Variants in BOD1L1 observed in about 807,000 individuals in gnomAD.
BOD1L1 encodes the protein biorientation of chromosomes in cell division 1 like 1, also known as biorientation of chromosomes in cell division protein 1-like 1.
BOD1L1 carries 86 observed loss-of-function variants against 240.7 expected under a neutral mutation model. The ratio of observed to expected loss-of-function variants is 0.36; its 90% CI spans 0.30 to 0.43. The LOEUF is 0.43. Among genes scored for constraint, BOD1L1 ranks in the 20% least tolerant of loss-of-function variants. The probability of loss-of-function intolerance (pLI) is 1.00; values close to 1 mark genes in which losing one functional copy is unlikely to be tolerated. For missense variants in BOD1L1, 3,554 were observed against 3,643.5 expected, an observed-to-expected ratio of 0.98 and a Z score of 0.63; for synonymous variants, 1,268 against 1,272.3, an observed-to-expected ratio of 1.00 and a Z score of 0.07.
chr4:13,594,721 C>A (rs1019117118), intron 12 of BOD1L1, among the ~76,000 whole-genome samples: 1 of 151,976 alleles, frequency 6.6e-6, no homozygotes, highest in Admixed American at 6.6e-5. Context: ...ATGGTGAAAC[C>A]CCATCTCTAC....
chr4:13,589,343 C>T (rs1713993861), intron 14 of BOD1L1, among the ~76,000 whole-genome samples: 1 of 152,170 alleles, frequency 6.6e-6, no homozygotes, highest in Admixed American at 6.5e-5. Flanking sequence ...GGTATGAGAA[C>T]ATACACAGTA....
intron 15 of BOD1L1, among the ~76,000 whole-genome samples, chr4:13,588,419 CACA>C (rs1359600855): frequency 6.6e-6 from 1 of 152,114 alleles, no homozygotes; most frequent in Non-Finnish European, 1.5e-5. Context: ...GATGGCACAT[CACA>C]ATTAGTATTT....
In BOD1L1 at chr4:13,614,656, T is replaced by C. The variant is rs749545690; in HGVS notation, c.714A>G (p.Pro238=). ...KTSERASKKL[P]SQPTTDTSTD... ...TACTAGTATCAGTGGTTGGCTGAGA[T>C]GGAAGTTTTTTTGACGCTCTCTCAC... The change falls in exon 4 of 26, where the codon CCA becomes CCG. Residue 238 remains proline, a synonymous_variant. Transcript: ENST00000040738. 5.6e-6 allele frequency: 9 copies of C among 1,613,902 alleles called. No homozygotes were observed. Among genetic ancestry groups the C allele is most frequent in the East Asian group, 2.2e-5 (1 of 44,874 alleles).
Position 13,620,066 on chromosome 4 carries a change from G to C in BOD1L1, c.245C>G (p.Pro82Arg). 1.3e-6 allele frequency: 2 copies of C among 1,599,690 alleles called. No individual in the cohort carries two copies. Among genetic ancestry groups the C allele is most frequent in the Non-Finnish European group, 1.7e-6 (2 of 1,172,240 alleles). Residue 82 changes from proline (P) to arginine (R), a missense_variant and splice_region_variant, in exon 2 of 26, where the codon CCT becomes CGT. Coordinates refer to ENST00000040738, the MANE Select transcript of BOD1L1 (RefSeq NM_148894.3). The part of the protein sequence containing the change: ...RDCLADVDTK[P>R]AYQNLRQRVD... ...ACGCTGTCTCAGATTCTGATACGCA[G>C]GCTAGAGAGAAAAAAACGAAGGTAA...
At chr4:13,615,069 A>C (rs1295616102) in intron 3 of BOD1L1, among the ~76,000 whole-genome samples, 1 of 152,166 alleles carries the variant, frequency 6.6e-6, no homozygotes, top group East Asian at 1.9e-4. Context: ...ATATTCTCTA[A>C]TTATTTTAGT....
rs776801323 is a variant in BOD1L1, at chr4:13,599,282, G to A, written c.7618C>T (p.Pro2540Ser). ...NTGAIKADDMPPVQGTVAEHS... is the reference protein window; with the variant it reads ...NTGAIKADDMSPVQGTVAEHS... ...TCAGCCACGGTCCCTTGAACAGGTGGCATGTCATCAGCTTTTATAGCACCG... is the reference window on the plus strand; with the variant it reads ...TCAGCCACGGTCCCTTGAACAGGTGACATGTCATCAGCTTTTATAGCACCG... Residue 2540 changes from proline to serine, a missense_variant, in exon 10 of 26, where the codon CCA becomes TCA. Pro to Ser is a moderately conservative substitution (Grantham distance 74). Around this residue, in one of 2 missense-constraint regions of BOD1L1, gnomAD observed 3,393 missense variants for 3,427.1 expected, o/e 0.99. Transcript: ENST00000040738. 6.8e-6 allele frequency: 11 copies of A among 1,613,726 alleles called. No individual in the cohort carries two copies. The highest frequency in any genetic ancestry group is 9.3e-6 in the Non-Finnish European group (11 of 1,179,744).
At chr4:13,619,675 G>A (rs1225592459) in intron 2 of BOD1L1, among the ~76,000 whole-genome samples, 3 of 152,070 alleles carry the variant, frequency 2.0e-5, no homozygotes, top group Non-Finnish European at 2.9e-5. Context: ...ATTATATCTA[G>A]ATTTTTTAGA....
Position 13,569,006 on chromosome 4 carries a change from G to A in BOD1L1, c.*1005C>T, listed in dbSNP as rs1380253728. 6.6e-6 allele frequency: 1 copy of A among 152,198 alleles called. No individual in the cohort carries two copies. Among genetic ancestry groups the A allele is most frequent in the African/African-American group, 2.4e-5 (1 of 41,466 alleles). The allele number at this position is 152,198 out of a possible 1,614,324, so 9.4% of individuals were successfully genotyped here. A position where few individuals can be genotyped will look rare whatever the true frequency, so the allele number is the denominator to read the frequency against. On this transcript the variant is annotated 3_prime_UTR_variant, in exon 26 of 26. Coordinates refer to ENST00000040738, the MANE Select transcript of BOD1L1 (RefSeq NM_148894.3). ...CTGAAGTTGGACAGTTTGCTCATAT[G>A]AGAGTTAAAACATGTTTAAAAAAAC...
At chr4:13,588,875 G>C (rs1376309571) in intron 14 of BOD1L1, 83 bp from the exon 15 acceptor site, 5 of 962,604 alleles carry the variant, frequency 5.2e-6, no homozygotes, top group Non-Finnish European at 6.1e-6. Context: ...TTAGGGGGCT[G>C]GGAGAAAACT....
At chr4:13,589,062 G>A (rs1374440763) in intron 14 of BOD1L1, among the ~76,000 whole-genome samples, 1 of 152,180 alleles carries the variant, frequency 6.6e-6, no homozygotes, top group Non-Finnish European at 1.5e-5. Context: ...TAACAACACT[G>A]GACTTTACAC....
chr4:13,600,586 A>G lies in BOD1L1; in HGVS notation c.6314T>C (p.Met2105Thr). Residue 2105 changes from methionine to threonine, a missense_variant, in exon 10 of 26, where the codon ATG becomes ACG. Met to Thr is a moderately conservative substitution (Grantham distance 81, BLOSUM62 -1). Transcript: ENST00000040738. ...LSDALRTEEN[M>T]EGTRVTTEEF... The stretch of plus-strand genomic sequence containing the variant: ...TTCTGTGGTTACTCTGGTACCTTCC[A>G]TATTTTCTTCAGTTCTCAGAGCATC... 6.2e-7 allele frequency: 1 copy of G among 1,613,756 alleles called. No individual in the cohort carries two copies. Among genetic ancestry groups the G allele is most frequent in the Non-Finnish European group, 8.5e-7 (1 of 1,179,786 alleles).
At chr4:13,584,012 T>C (rs1713441020) in intron 17 of BOD1L1, among the ~76,000 whole-genome samples, 1 of 152,214 alleles carries the variant, frequency 6.6e-6, no homozygotes, top group Non-Finnish European at 1.5e-5. Flanking sequence ...CATGCAATAA[T>C]GTGCAAGACT....
At position 13,599,916 on chromosome 4, in the gene BOD1L1, G is replaced by A. The variant is rs151166044; in HGVS notation, c.6984C>T (p.Ala2328=). ...ATTCTGCTGTGCTGGTGGAGATGAT[G>A]GCAGCATCGCTCAAGTCTTCTACTC... ...ITRVEDLSDA[A]IISTSTAECM... The change falls in exon 10 of 26, where the codon GCC becomes GCT. Residue 2328 remains alanine, a synonymous_variant. Coordinates refer to ENST00000040738, the MANE Select transcript of BOD1L1 (RefSeq NM_148894.3). The A allele has an allele frequency of 3.7e-5, 59 of 1,613,758 alleles. No individual in the cohort carries two copies. In the African/African-American group the frequency reaches 7.2e-4, roughly 20 times the overall value.
At chr4:13,615,765 C>A (rs895485615) in intron 2 of BOD1L1, among the ~76,000 whole-genome samples, 3 of 152,008 alleles carry the variant, frequency 2.0e-5, no homozygotes, top group African/African-American at 7.2e-5. Context: ...AACAAAACAC[C>A]CTTAGAACTA....
Position 13,601,549 on chromosome 4 carries a change from C to A in BOD1L1, c.5351G>T (p.Gly1784Val), listed in dbSNP as rs1156541561. 2 of 1,614,022 alleles carry A rather than the reference C, an allele frequency of 1.2e-6. No homozygotes were observed. The highest frequency in any genetic ancestry group is 2.7e-5 in the African/African-American group (2 of 75,046). ...SQEGDGSVNDGTEGESAVTST... is the reference protein window; with the variant it reads ...SQEGDGSVNDVTEGESAVTST... ...GGTGACTGCACTCTCACCTTCTGTA[C>A]CATCATTCACAGAACCATCTCCTTC... The change falls in exon 10 of 26, where the codon GGT (glycine) becomes GTT (valine). Residue 1784 changes from glycine (G) to valine (V), a missense_variant. This residue lies in a region of BOD1L1 where 3,393 missense variants were observed against 3,427.1 expected (regional missense o/e 0.99). Coordinates refer to ENST00000040738, the MANE Select transcript of BOD1L1 (RefSeq NM_148894.3).
At position 13,599,375 on chromosome 4, in the gene BOD1L1, C is replaced by T; in HGVS notation, c.7525G>A (p.Glu2509Lys). The change falls in exon 10 of 26, where the codon GAA (glutamate) becomes AAA (lysine). Residue 2509 changes from glutamate (E) to lysine (K), a missense_variant. Transcript: ENST00000040738. ...ANSPAHLRGP[E>K]QTSGQTAKDP... ...TTAGCCGTCTGCCCAGACGTCTGTT[C>T]TGGTCCTCTCAGGTGGGCAGGTGAG... The T allele has an allele frequency of 1.9e-6, 3 of 1,614,028 alleles. No homozygotes were observed. Among genetic ancestry groups the T allele is most frequent in the Non-Finnish European group, 2.5e-6 (3 of 1,179,892 alleles).
In BOD1L1 at chr4:13,569,994, G is replaced by A; in HGVS notation, c.*17C>T. 1.9e-6 allele frequency: 3 copies of A among 1,559,546 alleles called. No individual in the cohort carries two copies. The highest frequency in any genetic ancestry group is 2.6e-6 in the Non-Finnish European group (3 of 1,152,370). ...CCACCGTGTTCCTCCATAAGCCTAG[G>A]GCAGCAGTGGTCAGGATTATCGCTT... is the stretch of plus-strand genomic sequence containing the variant. On this transcript the variant is annotated 3_prime_UTR_variant, in exon 26 of 26. Coordinates refer to ENST00000040738, the MANE Select transcript of BOD1L1 (RefSeq NM_148894.3).
intron 1 of BOD1L1, among the ~76,000 whole-genome samples, chr4:13,621,459 C>T (rs754726353): frequency 1.3e-4 from 20 of 152,330 alleles, no homozygotes; most frequent in Admixed American, 2.6e-4. Flanking sequence ...CAGAGCTCAC[C>T]CTAATCTGTG....
intron 1 of BOD1L1, chr4:13,625,965 T>A (rs1218601572): frequency 6.6e-6 from 1 of 152,162 alleles, no homozygotes; most frequent in Non-Finnish European, 1.5e-5. Context: ...CTGTGTGCAG[T>A]TCACCTGAAA....
Sources: allele counts gnomAD v4.1 joint callset (sites outside exome capture counted in the v4.1 genomes callset), GRCh38; gene constraint gnomAD v4.1.1; regional missense constraint gnomAD v4.1.1; transcripts MANE v1.5; gene names NCBI Gene and HGNC (gene_info 2026-07-23, HGNC 2026-07-21).